ZNF439: variants seen among roughly 807,000 people sequenced by gnomAD.
ZNF439 encodes zinc finger protein 439.
In ZNF439, 40 loss-of-function variants were observed where a neutral mutation model predicts 47.3. That is an observed-to-expected ratio of 0.85 (90% CI 0.66 to 1.10). The LOEUF (loss-of-function observed/expected upper bound fraction) is 1.10. Ranked by LOEUF, ZNF439 falls within the 50% of genes least tolerant of loss-of-function variation. The pLI, the probability that ZNF439 is intolerant of heterozygous loss-of-function variation, is 0.00. For missense variants in ZNF439, 556 were observed against 601.1 expected (o/e 0.93, Z 0.78); for synonymous variants, 171 against 198.8 (o/e 0.86, Z 1.18).
rs1462320127 is a variant in ZNF439, at chr19:11,867,766, G to A, written c.712G>A (p.Glu238Lys). The A allele has an allele frequency of 1.9e-6, 3 of 1,614,026 alleles. No individual in the cohort carries two copies. Among genetic ancestry groups the A allele is most frequent in the Non-Finnish European group, 2.5e-6 (3 of 1,180,026 alleles). ...FHCLSLYLIH[E>K]RTHTGEKPYE... ...TTGTCTCAGTTTATATCTTATCCAT[G>A]AAAGAACTCACACTGGAGAGAAACC... is the stretch of plus-strand genomic sequence containing the variant. Residue 238 changes from glutamate to lysine, a missense_variant, in exon 4 of 4, where the codon GAA (glutamate) becomes AAA (lysine). By Grantham distance (56) the Glu-to-Lys change is moderately conservative. Coordinates refer to ENST00000682736, the MANE Select transcript of ZNF439 (RefSeq NM_001348719.2).
At chr19:11,859,362 C>T (rs1173512840) in intron 1 of ZNF439, among the ~76,000 whole-genome samples, 1 of 152,186 alleles carries the variant, frequency 6.6e-6, no homozygotes, top group African/African-American at 2.4e-5. Context: ...AGGGCCATTA[C>T]CCAACAGCAT....
intron 3 of ZNF439, 41 bp downstream of exon 3, chr19:11,866,638 G>A (rs745461209): frequency 7.0e-6 from 11 of 1,579,046 alleles, no homozygotes; most frequent in Middle Eastern, 3.3e-4. Flanking sequence ...CTCTCTACAC[G>A]ATCTTAGAAT....
At chr19:11,858,991 C>G (rs1046945010) in intron 1 of ZNF439, among the ~76,000 whole-genome samples, 1 of 152,172 alleles carries the variant, frequency 6.6e-6, no homozygotes, top group African/African-American at 2.4e-5. Flanking sequence ...ATTGCTTGAC[C>G]TAACATTGTA....
At chr19:11,866,897 T>C (rs147059991) in intron 3 of ZNF439, among the ~76,000 whole-genome samples, 16 of 152,156 alleles carry the variant, frequency 1.1e-4, no homozygotes, top group African/African-American at 3.6e-4. Context: ...CATTGTGGTA[T>C]GCATCCGTAG....
rs2094433495 is a variant in ZNF439, at chr19:11,848,899, A to T, written c.32A>T (p.Glu11Val). The stretch of plus-strand genomic sequence containing the variant: ...TGCTTTACTCACAGGAGCTGTAGAG[A>T]GGACCCCGGTACATCTGAAAGCCGG... MPCFTHRSCR[E>V]DPGTSESREM... is the part of the protein sequence containing the mutation. The change falls in exon 1 of 4, where the codon GAG becomes GTG. Residue 11 changes from glutamate (E) to valine (V), a missense_variant. Glu to Val is a moderately radical substitution (Grantham distance 121, BLOSUM62 -2). Transcript: ENST00000682736. 1 of 1,574,360 alleles carries T rather than the reference A, an allele frequency of 6.4e-7. No individual in the cohort carries two copies. The highest frequency in any genetic ancestry group is 1.7e-5 in the Admixed American group (1 of 58,562).
chr19:11,868,769 C>T lies in ZNF439; in HGVS notation c.*200C>T, dbSNP rs1399040253. On this transcript the variant is annotated 3_prime_UTR_variant, in exon 4 of 4. Coordinates refer to ENST00000682736, the MANE Select transcript of ZNF439 (RefSeq NM_001348719.2). ...AATGTGGGAAAGTCTTCAGATCTGT[C>T]AAGAACCTTTCAATTTATGAAAGGA... The T allele has an allele frequency of 7.5e-6, 5 of 669,696 alleles. No homozygotes were observed. Among genetic ancestry groups the T allele is most frequent in the Non-Finnish European group, 1.3e-5 (5 of 374,726 alleles). 41.5% of individuals were successfully genotyped at this position (669,696 alleles called of 1,614,324 possible).
intron 1 of ZNF439, among the ~76,000 whole-genome samples, chr19:11,863,194 G>T (rs1443424826): frequency 2.6e-5 from 3 of 114,950 alleles, no homozygotes; most frequent in Non-Finnish European, 5.0e-5. Context: ...CTGGCTCTCT[G>T]GCCCAGGCTG....
chr19:11,856,035 A>G (rs1440487035), intron 1 of ZNF439: 1 of 152,236 alleles, frequency 6.6e-6, no homozygotes, highest in Non-Finnish European at 1.5e-5. Context: ...TAGAAACACA[A>G]GCATACCTTC....
intron 1 of ZNF439, chr19:11,850,395 G>C (rs1255054906): frequency 6.6e-6 from 1 of 151,960 alleles, no homozygotes; most frequent in Non-Finnish European, 1.5e-5. Context: ...TTTTATTTTT[G>C]TTTTACATGT....
In ZNF439 at chr19:11,867,772, A is replaced by T. The variant is rs1976735585; in HGVS notation, c.718A>T (p.Thr240Ser). 1 of 1,614,042 alleles carries T rather than the reference A, an allele frequency of 6.2e-7. No individual in the cohort carries two copies. The highest frequency in any genetic ancestry group is 1.3e-5 in the African/African-American group (1 of 74,932). Residue 240 changes from threonine to serine, a missense_variant, in exon 4 of 4, where the codon ACT (threonine) becomes TCT (serine). Thr to Ser is a moderately conservative substitution (Grantham distance 58, BLOSUM62 1). Transcript: ENST00000682736. ...CLSLYLIHER[T>S]HTGEKPYECK... Reference sequence around the variant, plus strand: ...CAGTTTATATCTTATCCATGAAAGAACTCACACTGGAGAGAAACCGTATGA... The same window carrying T: ...CAGTTTATATCTTATCCATGAAAGATCTCACACTGGAGAGAAACCGTATGA...
At chr19:11,864,453 C>G (rs763933152) in intron 1 of ZNF439, among the ~76,000 whole-genome samples, 4 of 151,924 alleles carry the variant, frequency 2.6e-5, no homozygotes, top group Non-Finnish European at 5.9e-5. Flanking sequence ...ACTCGCTGCA[C>G]GCCTGGCTAA....
chr19:11,858,326 C>T (rs1241561200), intron 1 of ZNF439: 1 of 151,246 alleles, frequency 6.6e-6, no homozygotes, highest in Non-Finnish European at 1.5e-5. Flanking sequence ...ATTAGCCAGG[C>T]ATGGTGGCAG....
At chr19:11,855,863 G>A (rs117649999) in intron 1 of ZNF439, among the ~76,000 whole-genome samples, 3,225 of 152,224 alleles carry the variant, frequency 0.021, 58 homozygotes, top group Middle Eastern at 0.044. Context: ...ATGTCGTTGT[G>A]ACTCCGGTCA....
Position 11,848,841 on chromosome 19 carries a change from G to T in ZNF439, c.-27G>T. 6.5e-7 allele frequency: 1 copy of T among 1,539,820 alleles called. No homozygotes were observed. On this transcript the variant is annotated 5_prime_UTR_variant, in exon 1 of 4. Coordinates refer to ENST00000682736, the MANE Select transcript of ZNF439 (RefSeq NM_001348719.2). ...GAGAGGGACCTAGTGCCTCTACCCA[G>T]ATTTCTGTCGCTCTGTCACCTGCGC...
chr19:11,865,450 T>C (rs949032465), intron 1 of ZNF439, among the ~76,000 whole-genome samples: 1 of 149,624 alleles, frequency 6.7e-6, no homozygotes, highest in Admixed American at 6.8e-5. Flanking sequence ...AGCATGCCTG[T>C]TTTGGGTGGT....
At position 11,848,735 on chromosome 19, in the gene ZNF439, C is replaced by G; in HGVS notation, c.-133C>G. The G allele has an allele frequency of 8.5e-7, 1 of 1,177,652 alleles. No homozygotes were observed. Among genetic ancestry groups the G allele is most frequent in the Non-Finnish European group, 1.1e-6 (1 of 917,814 alleles). The allele number at this position is 1,177,652 out of a possible 1,614,324, so 73.0% of individuals were successfully genotyped here. ...GCTCGGGGCCCTGCCCACTGTGCATCCAGGCACGGAGGATGTTGCATTCCT... is the reference window on the plus strand; with the variant it reads ...GCTCGGGGCCCTGCCCACTGTGCATGCAGGCACGGAGGATGTTGCATTCCT... On this transcript the variant is annotated 5_prime_UTR_variant, in exon 1 of 4. The change creates a new upstream start codon in the 5' untranslated region. Transcript: ENST00000682736.
chr19:11,865,729 A>AG (rs1270259950), intron 1 of ZNF439, among the ~76,000 whole-genome samples: 1 of 120,746 alleles, frequency 8.3e-6, no homozygotes, highest in East Asian at 2.1e-4. Flanking sequence ...AAAAAAAAAA[A>AG]AAAAAAAAAA....
At chr19:11,849,104 G>C (rs1439715123) in intron 1 of ZNF439, 174 bp downstream of exon 1, 2 of 1,180,588 alleles carry the variant, frequency 1.7e-6, no homozygotes, top group Non-Finnish European at 2.1e-6. Context: ...GACTCCGGGC[G>C]TCCTGTCCCG....
chr19:11,859,983 A>G (rs999882445), intron 1 of ZNF439, among the ~76,000 whole-genome samples: 5 of 152,182 alleles, frequency 3.3e-5, no homozygotes, highest in South Asian at 2.1e-4. Context: ...AGAAAACAGA[A>G]GGATCAACTT....
Sources: allele counts gnomAD v4.1 joint callset (sites outside exome capture counted in the v4.1 genomes callset), GRCh38; gene constraint gnomAD v4.1.1; transcripts MANE v1.5; gene names NCBI Gene and HGNC (gene_info 2026-07-23, HGNC 2026-07-21).